Variants in FER observed in about 807,000 individuals in gnomAD.
FER encodes tyrosine-protein kinase Fer.
A neutral mutation model predicts 111.0 loss-of-function variants in FER; 63 were observed. The observed-to-expected ratio is 0.57, with a 90% CI of 0.46 to 0.70. The LOEUF (loss-of-function observed/expected upper bound fraction) is 0.70. FER is among the 30% of genes least tolerant of loss of function. FER has a pLI of 0.00. For synonymous variants in FER, 327 were observed against 313.9 expected, an observed-to-expected ratio of 1.04 and a Z score of -0.44; for missense variants, 914 against 954.0, an observed-to-expected ratio of 0.96 and a Z score of 0.55.
At chr5:108,820,812 G>T (rs1287390218) in intron 3 of FER, among the ~76,000 whole-genome samples, 1 of 152,106 alleles carries the variant, frequency 6.6e-6, no homozygotes, top group East Asian at 1.9e-4. Flanking sequence ...GATGATCTGA[G>T]AATCTGAAAT....
chr5:108,941,745 T>C (rs1162194644), intron 10 of FER, among the ~76,000 whole-genome samples: 2 of 152,190 alleles, frequency 1.3e-5, no homozygotes, highest in Non-Finnish European at 2.9e-5. Context: ...AGGAAGCTGG[T>C]TGGTGTGCAT....
intron 5 of FER, among the ~76,000 whole-genome samples, chr5:108,844,998 A>ATG (rs1761763019): frequency 1.5e-4 from 2 of 13,368 alleles, no homozygotes; most frequent in African/African-American, 5.3e-4. Context: ...GTGTGTGTGT[A>ATG]TATATATATA....
At chr5:109,175,933 C>T (rs565626475) in intron 17 of FER, among the ~76,000 whole-genome samples, 6 of 152,222 alleles carry the variant, frequency 3.9e-5, no homozygotes, top group African/African-American at 1.4e-4. Flanking sequence ...GAGCCGAGAT[C>T]GTGCCACTGC....
At chr5:108,879,701 A>AT (rs1554084619) in intron 8 of FER, among the ~76,000 whole-genome samples, 2,324 of 99,096 alleles carry the variant, frequency 0.023, 99 homozygotes, top group African/African-American at 0.074. Flanking sequence ...ATTAAAAAAA[A>AT]ATATATATAT....
At chr5:108,843,263 G>A (rs947870627) in intron 5 of FER, among the ~76,000 whole-genome samples, 2 of 152,084 alleles carry the variant, frequency 1.3e-5, no homozygotes, top group African/African-American at 4.8e-5. Context: ...TTTTATGGCT[G>A]AGTAGTATTC....
At chr5:109,132,091 TCTTTTCTAAAGAAACAACCAAATA>T (rs567605637) in intron 17 of FER, among the ~76,000 whole-genome samples, 86 of 152,312 alleles carry the variant, frequency 5.6e-4, no homozygotes, top group African/African-American at 2.0e-3. Context: ...AATATTATTA[TCTTTTCTAAAGAAACAACCAAATA>T]CTTTGTTGTC....
intron 16 of FER, chr5:109,052,251 A>G (rs1312059052): frequency 5.2e-5 from 83 of 1,606,474 alleles, no homozygotes; most frequent in Non-Finnish European, 6.6e-5. Flanking sequence ...AGATTGGGAA[A>G]GACTTGTCAT....
chr5:108,843,375 A>G (rs142682684), intron 5 of FER, among the ~76,000 whole-genome samples: 50 of 152,286 alleles, frequency 3.3e-4, no homozygotes, highest in Middle Eastern at 3.4e-3. Context: ...TTCTGAATCT[A>G]TTCCTTATCA....
At chr5:108,904,955 T>G (rs2150345150) in intron 10 of FER, among the ~76,000 whole-genome samples, 1 of 152,222 alleles carries the variant, frequency 6.6e-6, no homozygotes, top group South Asian at 2.1e-4. Flanking sequence ...TAAAGTATAT[T>G]TACAGTTGTA....
intron 12 of FER, among the ~76,000 whole-genome samples, chr5:108,956,691 G>C (rs1445079701): frequency 6.6e-6 from 1 of 151,578 alleles, no homozygotes; most frequent in Non-Finnish European, 1.5e-5. Context: ...CAGGTTTTCT[G>C]CTGCCTAATT....
intron 8 of FER, 50 bp from the exon 9 acceptor site, chr5:108,883,346 A>G (rs1254645729): frequency 6.5e-6 from 10 of 1,535,252 alleles, no homozygotes; most frequent in African/African-American, 1.4e-5. Context: ...TGATATGTAT[A>G]AAGTGAAAAT....
chr5:108,892,498 C>T (rs1026208639), intron 9 of FER, among the ~76,000 whole-genome samples: 3 of 151,882 alleles, frequency 2.0e-5, no homozygotes, highest in Non-Finnish European at 4.4e-5. Context: ...TCCTTCACCC[C>T]CTTTTTGATG....
At chr5:109,008,266 A>G (rs1581625799) in intron 13 of FER, among the ~76,000 whole-genome samples, 1 of 152,210 alleles carries the variant, frequency 6.6e-6, no homozygotes, top group Non-Finnish European at 1.5e-5. Flanking sequence ...TCCTGACTAC[A>G]ACTATCATTA....
chr5:108,772,890 G>T (rs1263200039), intron 2 of FER, among the ~76,000 whole-genome samples: 2 of 152,168 alleles, frequency 1.3e-5, no homozygotes, highest in Non-Finnish European at 2.9e-5. Context: ...TAGTCTTTCA[G>T]AAATGCATAC....
At chr5:109,057,603 A>C (rs1773813653) in intron 16 of FER, among the ~76,000 whole-genome samples, 1 of 152,164 alleles carries the variant, frequency 6.6e-6, no homozygotes, top group Admixed American at 6.5e-5. Flanking sequence ...CTCCTGCCTC[A>C]GCCTCCCGGA....
intron 9 of FER, among the ~76,000 whole-genome samples, chr5:108,885,130 A>G (rs951333588): frequency 4.0e-5 from 6 of 151,884 alleles, no homozygotes; most frequent in African/African-American, 1.4e-4. Flanking sequence ...AAGATGAGCC[A>G]TTTATTACTC....
chr5:109,002,265 CA>C (rs1323703457), intron 13 of FER, among the ~76,000 whole-genome samples: 1 of 151,898 alleles, frequency 6.6e-6, no homozygotes, highest in Non-Finnish European at 1.5e-5. Context: ...GGACTGGTAC[CA>C]AAGCGGAGAT....
chr5:108,799,068 A>T (rs1756354271), intron 3 of FER, among the ~76,000 whole-genome samples: 1 of 152,212 alleles, frequency 6.6e-6, no homozygotes, highest in Admixed American at 6.5e-5. Context: ...GTTGTGAATC[A>T]TATGGAATAT....
chr5:109,012,725 A>C (rs1766455715), intron 13 of FER, among the ~76,000 whole-genome samples: 1 of 152,248 alleles, frequency 6.6e-6, no homozygotes, highest in Admixed American at 6.5e-5. Context: ...GCTCAGCATA[A>C]CTGCTAATTA....
Sources: gnomAD v4.1 joint callset for allele counts (sites outside exome capture counted in the v4.1 genomes callset) on GRCh38, gnomAD v4.1.1 for gene constraint, MANE v1.5 for transcripts, NCBI Gene and HGNC (gene_info 2026-07-23, HGNC 2026-07-21) for gene names.